ANO3: variants seen among roughly 807,000 people sequenced by gnomAD.
The protein encoded by ANO3 is anoctamin 3, also known as anoctamin-3.
ANO3 carries 99 observed loss-of-function variants against 144.8 expected under a neutral mutation model. The ratio of observed to expected loss-of-function variants is 0.68; its 90% CI spans 0.58 to 0.81. The LOEUF (loss-of-function observed/expected upper bound fraction) is 0.81, where lower values mean the gene tolerates loss of function less well. ANO3 is among the 30% of genes least tolerant of loss of function. ANO3 has a pLI of 0.00. For missense variants in ANO3, 905 were observed against 1,202.2 expected, an observed-to-expected ratio of 0.75 and a Z score of 3.66; for synonymous variants, 414 against 392.6, an observed-to-expected ratio of 1.05 and a Z score of -0.64.
rs772291292 is a variant in ANO3 at position 26,561,167 on chromosome 11, G to A, written c.1447+1388G>A. On this transcript the variant is annotated intron_variant, in intron 14 of 26. Transcript: ENST00000256737. ...CTGAATCATTCAAAGTTGGATTGTA[G>A]TAGCTAGAATTCCCAAAACTCACAT... 8 of 1,612,682 alleles carry A rather than the reference G, an allele frequency of 5.0e-6. 1 individual carries two copies. The South Asian group carries it at 6.6e-5, about 13-fold the overall frequency.
intron 17 of ANO3, among the ~76,000 whole-genome samples, chr11:26,600,277 TC>T (rs1851756544): frequency 1.6e-5 from 1 of 62,568 alleles, no homozygotes. Flanking sequence ...TCCTCTCCCC[TC>T]CCCTTCCCCT....
intron 1 of ANO3, among the ~76,000 whole-genome samples, chr11:26,291,930 T>C (rs923018960): frequency 2.6e-5 from 4 of 152,132 alleles, no homozygotes; most frequent in Non-Finnish European, 5.9e-5. Context: ...GCGTTCTCTA[T>C]TTTTCCTGAA....
chr11:26,563,895 A>G (rs1381337463), intron 14 of ANO3, among the ~76,000 whole-genome samples: 1 of 151,846 alleles, frequency 6.6e-6, no homozygotes, highest in Non-Finnish European at 1.5e-5. Flanking sequence ...TTCACTCGGT[A>G]TCTTATTTGA....
At chr11:26,254,805 T>C (rs1853017852) in intron 1 of ANO3, among the ~76,000 whole-genome samples, 1 of 152,142 alleles carries the variant, frequency 6.6e-6, no homozygotes, top group South Asian at 2.1e-4. Context: ...TGAAGCTCAG[T>C]GAGTGTTTCT....
chr11:26,268,399 C>G (rs1283814481), intron 1 of ANO3, among the ~76,000 whole-genome samples: 1 of 151,882 alleles, frequency 6.6e-6, no homozygotes, highest in Non-Finnish European at 1.5e-5. Context: ...TAATGAAAAC[C>G]CTGATCATTA....
chr11:26,563,043 A>G, intron 14 of ANO3: 1 of 1,562,690 alleles, frequency 6.4e-7, no homozygotes, highest in Non-Finnish European at 8.6e-7. Flanking sequence ...CTTCTAGGCA[A>G]TGCAGTGAAC....
intron 1 of ANO3, among the ~76,000 whole-genome samples, chr11:26,351,494 G>A (rs569104622): frequency 4.0e-5 from 6 of 151,886 alleles, no homozygotes; most frequent in Non-Finnish European, 8.8e-5. Context: ...TACTATTTCT[G>A]TTTATTTAAA....
chr11:26,456,460 A>G (rs1218080772), intron 3 of ANO3, among the ~76,000 whole-genome samples: 1 of 151,542 alleles, frequency 6.6e-6, no homozygotes, highest in Non-Finnish European at 1.5e-5. Flanking sequence ...CGCAGCCAAA[A>G]AACACATGAA....
At chr11:26,392,496 T>C (rs1161231590) in intron 1 of ANO3, among the ~76,000 whole-genome samples, 1 of 152,046 alleles carries the variant, frequency 6.6e-6, no homozygotes, top group African/African-American at 2.4e-5. Flanking sequence ...CTATTTTTAA[T>C]AGGGGTGAGA....
intron 4 of ANO3, among the ~76,000 whole-genome samples, chr11:26,501,801 T>C (rs911850431): frequency 5.9e-5 from 9 of 152,082 alleles, no homozygotes; most frequent in African/African-American, 2.2e-4. Flanking sequence ...AGAGACTAGA[T>C]TTAGGACAAA....
At chr11:26,193,803 A>T (rs1851525107) in intron 1 of ANO3, among the ~76,000 whole-genome samples, 1 of 152,220 alleles carries the variant, frequency 6.6e-6, no homozygotes, top group South Asian at 2.1e-4. Flanking sequence ...CAGAAGTAGA[A>T]GTTGCCTACC....
chr11:26,539,038 T>A (rs1235246456), intron 10 of ANO3, among the ~76,000 whole-genome samples: 6 of 152,022 alleles, frequency 3.9e-5, no homozygotes, highest in Non-Finnish European at 8.8e-5. Context: ...CGAGGTTTGT[T>A]TTTTACTTAC....
intron 1 of ANO3, among the ~76,000 whole-genome samples, chr11:26,424,739 A>G (rs1443553854): frequency 6.6e-6 from 1 of 152,110 alleles, no homozygotes; most frequent in Non-Finnish European, 1.5e-5. Context: ...TGACATAAAA[A>G]CTTACTAGGA....
intron 24 of ANO3, 33 bp downstream of exon 24, chr11:26,647,889 G>T (rs1853400769): frequency 3.2e-6 from 5 of 1,579,088 alleles, no homozygotes; most frequent in Non-Finnish European, 4.3e-6. Flanking sequence ...TTCCTGATAT[G>T]TTTTACATTT....
intron 1 of ANO3, among the ~76,000 whole-genome samples, chr11:26,200,104 G>T (rs1271954380): frequency 6.6e-6 from 1 of 152,142 alleles, no homozygotes; most frequent in Admixed American, 6.6e-5. Context: ...TGTCAAAAAT[G>T]ACCTGGGGAG....
chr11:26,262,239 G>T (rs573877868), intron 1 of ANO3, among the ~76,000 whole-genome samples: 1 of 151,984 alleles, frequency 6.6e-6, no homozygotes, highest in Non-Finnish European at 1.5e-5. Context: ...CTATTTTCTC[G>T]TACTTCTATT....
rs553044984 is a variant in ANO3 at position 26,339,546 on chromosome 11, G to A, written c.46+7225G>A. On this transcript the variant is annotated intron_variant, in intron 1 of 26. Transcript: ENST00000256737. ...AATGAAACACTTAAACAGCTGAAAA[G>A]CATTTCACTCCTGTCTAATTTTCAC... Among the ~76,000 whole-genome samples, 21 of 152,272 alleles carry A rather than the reference G, an allele frequency of 1.4e-4. No homozygotes were observed. The East Asian group carries it at 3.9e-3, about 28-fold the overall frequency.
At chr11:26,599,918 A>C (rs2132930746) in intron 17 of ANO3, among the ~76,000 whole-genome samples, 1 of 152,170 alleles carries the variant, frequency 6.6e-6, no homozygotes, top group African/African-American at 2.4e-5. Context: ...ATAAATGCTA[A>C]TTGTATTATC....
chr11:26,299,245 T>C (rs977690527), intron 1 of ANO3, among the ~76,000 whole-genome samples: 2 of 152,002 alleles, frequency 1.3e-5, no homozygotes, highest in South Asian at 4.2e-4. Flanking sequence ...GAAAGCTAAG[T>C]GGGGGAAGTT....
Sources: gnomAD v4.1 joint callset for allele counts (sites outside exome capture counted in the v4.1 genomes callset) on GRCh38, gnomAD v4.1.1 for gene constraint, MANE v1.5 for transcripts, NCBI Gene and HGNC (gene_info 2026-07-23, HGNC 2026-07-21) for gene names.